The following B3GALNT2 variants were observed in gnomAD, a reference collection of about 807,000 sequenced individuals.
B3GALNT2 encodes beta-1,3-N-acetylgalactosaminyltransferase 2.
In B3GALNT2, 53 loss-of-function variants were observed where a neutral mutation model predicts 61.1. The observed-to-expected ratio is 0.87, with a 90% CI of 0.70 to 1.09. B3GALNT2 has a LOEUF of 1.09. Among genes scored for constraint, B3GALNT2 ranks in the 50% least tolerant of loss-of-function variants. The probability of loss-of-function intolerance (pLI) is 0.00; values close to 1 mark genes in which losing one functional copy is unlikely to be tolerated. For synonymous variants in B3GALNT2, 223 were observed against 237.4 expected, an observed-to-expected ratio of 0.94 and a Z score of 0.56; for missense variants, 544 against 623.0, an observed-to-expected ratio of 0.87 and a Z score of 1.35.
At position 235,484,452 on chromosome 1, in the gene B3GALNT2, TCCTCAGGCAG is replaced by T; in HGVS notation, c.415_424del (p.Leu139IlefsTer6). The stretch of plus-strand genomic sequence containing the variant: ...TCGGAAACTCACGCTGACAACTCGA[TCCTCAGGCAG>T]CCCCGATGAAGTGTCTTCGGACAGA... On this transcript the variant is annotated frameshift_variant, in exon 4 of 12. Coordinates refer to ENST00000366600, the MANE Select transcript of B3GALNT2 (RefSeq NM_152490.5). LOFTEE classifies it high-confidence loss of function. The T allele has an allele frequency of 6.2e-7, 1 of 1,614,164 alleles. No individual in the cohort carries two copies. Among genetic ancestry groups the T allele is most frequent in the Non-Finnish European group, 8.5e-7 (1 of 1,180,018 alleles).
At chr1:235,445,884 G>A (rs1481910840), downstream of B3GALNT2, among the ~76,000 whole-genome samples, 2 of 152,190 alleles carry the variant, frequency 1.3e-5, no homozygotes, top group South Asian at 2.1e-4. Context: ...AGCTCTGGTG[G>A]AACCACACAG....
Position 235,449,022 on chromosome 1 carries a change from T to TTCTGTG in B3GALNT2, c.*1183_*1184insCACAGA. 2.6e-6 allele frequency: 1 copy of TTCTGTG among 381,246 alleles called. No individual in the cohort carries two copies. The highest frequency in any genetic ancestry group is 2.3e-5 in the South Asian group (1 of 42,562). 23.6% of individuals were successfully genotyped at this position (381,246 alleles called of 1,614,324 possible). ...TTTTACAGCTCATCACTGCATTTCA[T>TTCTGTG]GATAAGATTTAAATATTAAATAGAA... On this transcript the variant is annotated 3_prime_UTR_variant, in exon 12 of 12. Coordinates refer to ENST00000366600, the MANE Select transcript of B3GALNT2 (RefSeq NM_152490.5).
At chr1:235,493,109 T>C (rs1369449330) in intron 2 of B3GALNT2, among the ~76,000 whole-genome samples, 1 of 152,164 alleles carries the variant, frequency 6.6e-6, no homozygotes, top group African/African-American at 2.4e-5. Flanking sequence ...AGGGGACTTC[T>C]GCAATAATCC....
At chr1:235,473,117 G>T (rs1684078335) in intron 5 of B3GALNT2, among the ~76,000 whole-genome samples, 2 of 152,086 alleles carry the variant, frequency 1.3e-5, no homozygotes, top group Non-Finnish European at 2.9e-5. Context: ...GTTTCACCAT[G>T]TTGGCCAGGC....
intron 7 of B3GALNT2, among the ~76,000 whole-genome samples, chr1:235,459,919 G>A (rs896492633): frequency 4.0e-5 from 6 of 151,058 alleles, no homozygotes; most frequent in Admixed American, 2.6e-4. Context: ...TCAGCCTCCC[G>A]AGTAGCTGGG....
chr1:235,483,005 G>A (rs1273830576), intron 4 of B3GALNT2, among the ~76,000 whole-genome samples: 2 of 152,144 alleles, frequency 1.3e-5, no homozygotes, highest in Non-Finnish European at 2.9e-5. Context: ...GGTCAAAGCT[G>A]TAGAGAAAAA....
chr1:235,448,698 ATGACCTAAAGTCAT>A lies in B3GALNT2; in HGVS notation c.*1494_*1507del. 1 of 1,614,176 alleles carries A rather than the reference ATGACCTAAAGTCAT, an allele frequency of 6.2e-7. No homozygotes were observed. The highest frequency in any genetic ancestry group is 1.1e-5 in the South Asian group (1 of 91,082). ...CCGGGCAGAGAAATCGAGCTGGAAA[ATGACCTAAAGTCAT>A]TACAGTTTTATTCTGTGGAAAATGG... On this transcript the variant is annotated 3_prime_UTR_variant, in exon 12 of 12. Transcript: ENST00000366600.
Position 235,504,448 on chromosome 1 carries a change from G to T in B3GALNT2, c.-196C>A. ...GGTCCCTCAGACCGCGGGTGGCCGCGGCTTAGCCGGCCGAAGCCCCGCCCC... is the reference window on the plus strand; with the variant it reads ...GGTCCCTCAGACCGCGGGTGGCCGCTGCTTAGCCGGCCGAAGCCCCGCCCC... On this transcript the variant is annotated 5_prime_UTR_variant, in exon 1 of 12. Transcript: ENST00000366600. The T allele has an allele frequency of 2.0e-6, 1 of 511,456 alleles. No individual in the cohort carries two copies. The allele number at this position is 511,456 out of a possible 1,614,324, so 31.7% of individuals were successfully genotyped here.
chr1:235,444,162 T>G (rs980646238), downstream of B3GALNT2, among the ~76,000 whole-genome samples: 22 of 152,248 alleles, frequency 1.4e-4, no homozygotes, highest in African/African-American at 5.3e-4. Flanking sequence ...TAGAAGGCCT[T>G]AGTTGTGTTC....
At position 235,448,787 on chromosome 1, in the gene B3GALNT2, C is replaced by G; in HGVS notation, c.*1419G>C. Reference sequence around the variant, plus strand: ...ACAACCAACTAATAAAATTTAAAGACCACACTGCTTATCGTGTCTGGGGTT... The same window carrying G: ...ACAACCAACTAATAAAATTTAAAGAGCACACTGCTTATCGTGTCTGGGGTT... On this transcript the variant is annotated 3_prime_UTR_variant, in exon 12 of 12. Coordinates refer to ENST00000366600, the MANE Select transcript of B3GALNT2 (RefSeq NM_152490.5). 2 of 1,486,504 alleles carry G rather than the reference C, an allele frequency of 1.3e-6. No individual in the cohort carries two copies. Among genetic ancestry groups the G allele is most frequent in the South Asian group, 2.3e-5 (2 of 88,406 alleles). The allele number at this position is 1,486,504 out of a possible 1,614,324, so 92.1% of individuals were successfully genotyped here.
At chr1:235,457,394 G>C (rs751844255) in intron 8 of B3GALNT2, among the ~76,000 whole-genome samples, 1 of 152,228 alleles carries the variant, frequency 6.6e-6, no homozygotes, top group East Asian at 1.9e-4. Flanking sequence ...AGGTTTGAAA[G>C]TTTTGGCTCC....
rs538210617 is a variant in B3GALNT2 at position 235,449,933 on chromosome 1, G to T, written c.*273C>A. On this transcript the variant is annotated 3_prime_UTR_variant, in exon 12 of 12. Coordinates refer to ENST00000366600, the MANE Select transcript of B3GALNT2 (RefSeq NM_152490.5). ...ATTAGCCACAATGCATCAGGATTTA[G>T]AAATATTTTTTCTTTTATAAAATAA... 3 of 305,248 alleles carry T rather than the reference G, an allele frequency of 9.8e-6. No individual in the cohort carries two copies. Among genetic ancestry groups the T allele is most frequent in the East Asian group, 1.3e-4 (2 of 15,552 alleles). The allele number at this position is 305,248 out of a possible 1,614,324, so 18.9% of individuals were successfully genotyped here.
chr1:235,470,083 C>T (rs967947203), intron 6 of B3GALNT2, among the ~76,000 whole-genome samples: 23 of 151,542 alleles, frequency 1.5e-4, no homozygotes, highest in Non-Finnish European at 2.4e-4. Flanking sequence ...ATTTTTAGTA[C>T]AGATGGGGTC....
intron 6 of B3GALNT2, 110 bp downstream of exon 6, chr1:235,470,740 C>T (rs747709678): frequency 1.7e-5 from 24 of 1,448,958 alleles, no homozygotes; most frequent in Non-Finnish European, 2.1e-5. Flanking sequence ...GTAAAACACA[C>T]AAGAATCATT....
chr1:235,467,286 T>C (rs753836282), intron 6 of B3GALNT2, among the ~76,000 whole-genome samples: 1 of 151,758 alleles, frequency 6.6e-6, no homozygotes, highest in Non-Finnish European at 1.5e-5. Flanking sequence ...GAGAAGGAGA[T>C]TGCAGTGAGC....
At chr1:235,483,839 T>C (rs1295873430) in intron 4 of B3GALNT2, among the ~76,000 whole-genome samples, 1 of 152,220 alleles carries the variant, frequency 6.6e-6, no homozygotes, top group Non-Finnish European at 1.5e-5. Flanking sequence ...AAATCAGATT[T>C]CCCTACATAT....
Position 235,448,294 on chromosome 1 carries a change from T to C in B3GALNT2, c.*1912A>G. 1 of 1,462,380 alleles carries C rather than the reference T, an allele frequency of 6.8e-7. No individual in the cohort carries two copies. Among genetic ancestry groups the C allele is most frequent in the Non-Finnish European group, 9.6e-7 (1 of 1,042,082 alleles). The allele number at this position is 1,462,380 out of a possible 1,614,324, so 90.6% of individuals were successfully genotyped here. On this transcript the variant is annotated 3_prime_UTR_variant, in exon 12 of 12. Transcript: ENST00000366600. ...CTGTGGTCTCATCACATGAGCTAGTTTTACAGGTAACTGTCATTTGAGAGA... is the reference window on the plus strand; with the variant it reads ...CTGTGGTCTCATCACATGAGCTAGTCTTACAGGTAACTGTCATTTGAGAGA...
rs1479960735 is a variant in B3GALNT2, at chr1:235,448,359, A to T, written c.*1847T>A. 2 of 1,614,100 alleles carry T rather than the reference A, an allele frequency of 1.2e-6. No individual in the cohort carries two copies. The highest frequency in any genetic ancestry group is 2.7e-5 in the African/African-American group (2 of 75,052). ...CTTGTCTTTTGATAGGCTCCATGAC[A>T]ATTCAAAAGGTGAAGGGATTGCTGT... On this transcript the variant is annotated 3_prime_UTR_variant, in exon 12 of 12. Transcript: ENST00000366600.
rs560939230 is a variant in B3GALNT2 at position 235,447,993 on chromosome 1, G to A, written c.*2213C>T. 1.7e-4 allele frequency among the ~76,000 whole-genome samples: 26 copies of A among 152,080 alleles called. No individual in the cohort carries two copies. Among genetic ancestry groups the A allele is most frequent in the South Asian group, 6.2e-4 (3 of 4,828 alleles). ...TGGGGGGCCAGGGCGGGCGGATCAC[G>A]AGGTCAGGAGTTCAAGACCAGCCTG... On this transcript the variant is annotated 3_prime_UTR_variant, in exon 12 of 12. Coordinates refer to ENST00000366600, the MANE Select transcript of B3GALNT2 (RefSeq NM_152490.5).
Sources: gnomAD v4.1 joint callset for allele counts (sites outside exome capture counted in the v4.1 genomes callset) on GRCh38, gnomAD v4.1.1 for gene constraint, MANE v1.5 for transcripts, NCBI Gene and HGNC (gene_info 2026-07-23, HGNC 2026-07-21) for gene names.